Variants in GPC5 observed in about 807,000 individuals in gnomAD.
The protein encoded by GPC5 is glypican-5.
In GPC5, 47 loss-of-function variants were observed where a neutral mutation model predicts 53.9. The ratio of observed to expected loss-of-function variants is 0.87; its 90% CI spans 0.69 to 1.11. The LOEUF (loss-of-function observed/expected upper bound fraction) is 1.11. GPC5 is among the 50% of genes most tolerant of loss of function. The probability of loss-of-function intolerance (pLI) is 0.00; values close to 1 mark genes in which losing one functional copy is unlikely to be tolerated. For missense variants in GPC5, 748 were observed against 713.1 expected (o/e 1.05, Z -0.56); for synonymous variants, 286 against 263.3 (o/e 1.09, Z -0.84).
intron 7 of GPC5, among the ~76,000 whole-genome samples, chr13:92,700,768 T>C (rs1324534187): frequency 6.6e-6 from 1 of 152,090 alleles, no homozygotes; most frequent in Non-Finnish European, 1.5e-5. Context: ...ATTTGACAGA[T>C]GTGTTTTCTT....
At chr13:92,831,762 G>T (rs146165241) in intron 7 of GPC5, among the ~76,000 whole-genome samples, 2,560 of 152,224 alleles carry the variant, frequency 0.017, 36 homozygotes, top group Non-Finnish European at 0.023. Context: ...TCTAAGATAC[G>T]ATTTTCTTTC....
chr13:92,712,813 G>A (rs375464858), intron 7 of GPC5, among the ~76,000 whole-genome samples: 10 of 152,230 alleles, frequency 6.6e-5, no homozygotes, highest in Admixed American at 2.6e-4. Flanking sequence ...ATGAATGGGC[G>A]TCAATCCAAT....
chr13:92,271,926 TA>T (rs1156274043), intron 7 of GPC5, among the ~76,000 whole-genome samples: 2 of 152,036 alleles, frequency 1.3e-5, no homozygotes, highest in African/African-American at 4.8e-5. Context: ...TAAGCATAAG[TA>T]AAAAAATAAA....
intron 7 of GPC5, among the ~76,000 whole-genome samples, chr13:92,521,406 A>T (rs1472434962): frequency 6.6e-6 from 1 of 152,230 alleles, no homozygotes; most frequent in African/African-American, 2.4e-5. Context: ...CCGAAACAGC[A>T]TGGTACTCGT....
chr13:92,133,771 G>A (rs1353795901), intron 6 of GPC5, among the ~76,000 whole-genome samples: 10 of 152,170 alleles, frequency 6.6e-5, no homozygotes, highest in Non-Finnish European at 1.2e-4. Context: ...TCAGTACATT[G>A]GGGTCATAAA....
chr13:92,377,512 A>C (rs921497156), intron 7 of GPC5, among the ~76,000 whole-genome samples: 1 of 152,224 alleles, frequency 6.6e-6, no homozygotes, highest in Non-Finnish European at 1.5e-5. Context: ...TCAATTGTTC[A>C]GCTTTTCCAG....
intron 7 of GPC5, among the ~76,000 whole-genome samples, chr13:92,202,339 G>A (rs1314071743): frequency 6.6e-6 from 1 of 152,128 alleles, no homozygotes; most frequent in African/African-American, 2.4e-5. Flanking sequence ...CCTTCAAAGT[G>A]TTTGTTATTT....
chr13:92,199,479 T>TA (rs139575664), intron 7 of GPC5, among the ~76,000 whole-genome samples: 2 of 152,186 alleles, frequency 1.3e-5, no homozygotes, highest in Admixed American at 6.5e-5. Flanking sequence ...AATTGAATAA[T>TA]AAAAAAAGAT....
chr13:92,224,656 T>G (rs573046516), intron 7 of GPC5, among the ~76,000 whole-genome samples: 1 of 152,324 alleles, frequency 6.6e-6, no homozygotes, highest in South Asian at 2.1e-4. Flanking sequence ...GGAATTTGGG[T>G]ATGTACTAGG....
intron 6 of GPC5, among the ~76,000 whole-genome samples, chr13:92,076,818 A>G (rs1383414154): frequency 1.3e-5 from 2 of 152,210 alleles, no homozygotes; most frequent in Non-Finnish European, 2.9e-5. Flanking sequence ...AAGAATCTCT[A>G]TTAACATAGC....
At chr13:92,025,252 C>A (rs1354988656) in intron 6 of GPC5, among the ~76,000 whole-genome samples, 1 of 151,928 alleles carries the variant, frequency 6.6e-6, no homozygotes, top group Non-Finnish European at 1.5e-5. Context: ...ACAGCTTTTC[C>A]CAAGACTACA....
chr13:91,598,824 G>A (rs1427889923), intron 2 of GPC5, among the ~76,000 whole-genome samples: 2 of 151,950 alleles, frequency 1.3e-5, no homozygotes, highest in African/African-American at 4.8e-5. Context: ...GTATACTAGG[G>A]TATTGGTAGG....
intron 7 of GPC5, among the ~76,000 whole-genome samples, chr13:92,243,347 G>A (rs2042627413): frequency 6.6e-6 from 1 of 152,062 alleles, no homozygotes; most frequent in Non-Finnish European, 1.5e-5. Context: ...CCCCACTGCA[G>A]TATAAGTAAT....
At chr13:92,642,280 A>C (rs1017316466) in intron 7 of GPC5, among the ~76,000 whole-genome samples, 11 of 151,968 alleles carry the variant, frequency 7.2e-5, no homozygotes, top group African/African-American at 2.7e-4. Context: ...GCAGGATAGC[A>C]GATGTCTCCC....
At chr13:92,386,863 T>C (rs1874752766) in intron 7 of GPC5, among the ~76,000 whole-genome samples, 1 of 152,112 alleles carries the variant, frequency 6.6e-6, no homozygotes, top group African/African-American at 2.4e-5. Context: ...CATCTAATTA[T>C]TTAAAATAGA....
At chr13:92,012,692 A>G (rs2040672292) in intron 6 of GPC5, among the ~76,000 whole-genome samples, 1 of 152,216 alleles carries the variant, frequency 6.6e-6, no homozygotes. Flanking sequence ...CCAATCTATG[A>G]ATTGGTCACA....
chr13:92,616,519 C>A, intron 7 of GPC5, among the ~76,000 whole-genome samples: 1 of 152,076 alleles, frequency 6.6e-6, no homozygotes, highest in East Asian at 1.9e-4. Context: ...TTCTGGTATC[C>A]AAATACTGAA....
At chr13:92,257,115 T>A (rs1005440201) in intron 7 of GPC5, among the ~76,000 whole-genome samples, 9 of 152,102 alleles carry the variant, frequency 5.9e-5, no homozygotes, top group South Asian at 2.1e-4. Flanking sequence ...TATAAAAAAA[T>A]TTCTGTTTGG....
chr13:92,630,198 G>T (rs561746330), intron 7 of GPC5, among the ~76,000 whole-genome samples: 60 of 152,262 alleles, frequency 3.9e-4, no homozygotes, highest in Middle Eastern at 3.4e-3. Flanking sequence ...GCAATGGACT[G>T]TTCTACGTAA....
Sources: gnomAD v4.1 joint callset for allele counts (sites outside exome capture counted in the v4.1 genomes callset) on GRCh38, gnomAD v4.1.1 for gene constraint, MANE v1.5 for transcripts, NCBI Gene and HGNC (gene_info 2026-07-23, HGNC 2026-07-21) for gene names.